PRPF6: variants seen among roughly 807,000 people sequenced by gnomAD.
PRPF6 encodes the protein pre-mRNA processing factor 6, also known as pre-mRNA-processing factor 6.
Under a neutral mutation model 118.3 loss-of-function variants are expected in PRPF6, and 42 were observed. The ratio of observed to expected loss-of-function variants is 0.35; its 90% confidence interval spans 0.28 to 0.46. The LOEUF is 0.46. PRPF6 is among the 20% of genes least tolerant of loss of function. PRPF6 has a pLI of 1.00. For synonymous variants in PRPF6, 481 were observed against 485.1 expected (o/e 0.99, Z 0.11); for missense variants, 662 against 1,255.7 (o/e 0.53, Z 7.15).
Position 64,029,272 on chromosome 20 carries a change from C to T in PRPF6, c.2432-105C>T, listed in dbSNP as rs935977643. On this transcript the variant is annotated intron_variant, in intron 18 of 20. Transcript: ENST00000266079. The surrounding 1 kb of genome is among the most constrained non-coding windows in gnomAD (Gnocchi z 4.8). ...TTCTGCGAGCCGTGTGTGGGAGGCCCCTGTCGTGGTCTGAGGACGTCCCGG... is the reference window on the plus strand; with the variant it reads ...TTCTGCGAGCCGTGTGTGGGAGGCCTCTGTCGTGGTCTGAGGACGTCCCGG... The T allele has an allele frequency of 1.0e-6, 1 of 959,836 alleles. No individual in the cohort carries two copies. Among genetic ancestry groups the T allele is most frequent in the Non-Finnish European group, 1.7e-6 (1 of 594,922 alleles). The allele number at this position is 959,836 out of a possible 1,614,324, so 59.5% of individuals were successfully genotyped here.
chr20:64,025,796 C>G, intron 14 of PRPF6, 143 bp from the exon 15 acceptor site: 1 of 1,473,370 alleles, frequency 6.8e-7, no homozygotes. Context: ...GTCATCTCCT[C>G]CCTGGGAAGG....
rs139064327 is a variant in PRPF6, at chr20:64,005,889, C to G, written c.1187-4311C>G. On this transcript the variant is annotated intron_variant, in intron 9 of 20. Transcript: ENST00000266079. ...AGCTGGGACTCCAGGGACATACCACCATGCCTGGCTGAGTTTTTAATTTTT... is the reference window on the plus strand; with the variant it reads ...AGCTGGGACTCCAGGGACATACCACGATGCCTGGCTGAGTTTTTAATTTTT... Among the ~76,000 whole-genome samples, 677 of 152,226 alleles carry G rather than the reference C, an allele frequency of 4.4e-3. 6 individuals carry two copies. The highest frequency in any genetic ancestry group is 0.016 in the African/African-American group (650 of 41,550).
rs532966990 is a variant in PRPF6, at chr20:64,026,749, G to A, written c.2029-233G>A. On this transcript the variant is annotated intron_variant, in intron 15 of 20. Transcript: ENST00000266079. The surrounding 1 kb of genome is among the most constrained non-coding windows in gnomAD (Gnocchi z 4.4). ...CAGCAGGTGGAGCTTGCAGTGAGCCGAGATCGTGCCACTGCACTCCAGCCT... is the reference window on the plus strand; with the variant it reads ...CAGCAGGTGGAGCTTGCAGTGAGCCAAGATCGTGCCACTGCACTCCAGCCT... 4.6e-5 allele frequency among the ~76,000 whole-genome samples: 7 copies of A among 152,220 alleles called. No homozygotes were observed. Among genetic ancestry groups the A allele is most frequent in the African/African-American group, 1.4e-4 (6 of 41,536 alleles).
At chr20:64,022,923 C>T in intron 13 of PRPF6, 45 bp downstream of exon 13, 7 of 1,613,348 alleles carry the variant, frequency 4.3e-6, no homozygotes, top group Non-Finnish European at 5.9e-6. Flanking sequence ...ATGAAACCTC[C>T]AGCTCCATTT....
chr20:63,983,652 CT>C (rs746804694), intron 2 of PRPF6, among the ~76,000 whole-genome samples: 1,285 of 111,086 alleles, frequency 0.012, 44 homozygotes, highest in African/African-American at 0.042. Context: ...ATTGGCCAGT[CT>C]TTTTTTTTTT....
In PRPF6 at chr20:64,027,533, A is replaced by G. The variant is rs112769108; in HGVS notation, c.2206-70A>G. 6.2e-7 allele frequency: 1 copy of G among 1,607,050 alleles called. No homozygotes were observed. The highest frequency in any genetic ancestry group is 8.5e-7 in the Non-Finnish European group (1 of 1,173,968). ...ACTCGGTCACCCACTGCAGATGAGA[A>G]GCTGGGCATGGCTGTGTCCCAGTTC... On this transcript the variant is annotated intron_variant, in intron 16 of 20. Transcript: ENST00000266079. The surrounding 1 kb of genome is among the most constrained non-coding windows in gnomAD (Gnocchi z 6.5).
intron 12 of PRPF6, among the ~76,000 whole-genome samples, chr20:64,020,030 T>TG (rs2059255752): frequency 6.6e-6 from 1 of 152,222 alleles, no homozygotes; most frequent in African/African-American, 2.4e-5. Context: ...TCTTTGCCAT[T>TG]GTCATGTTCA....
intron 9 of PRPF6, 66 bp from the exon 10 acceptor site, chr20:64,010,134 C>T: frequency 2.2e-6 from 3 of 1,369,058 alleles, no homozygotes; most frequent in African/African-American, 1.4e-5. Context: ...GCAGCATGCT[C>T]ACCACATGAG....
intron 13 of PRPF6, 66 bp from the exon 14 acceptor site, chr20:64,024,489 G>A: frequency 1.3e-6 from 2 of 1,600,002 alleles, no homozygotes; most frequent in Non-Finnish European, 1.7e-6. Flanking sequence ...CCACGCCATG[G>A]CTGAGTGTGA....
rs1053303826 is a variant in PRPF6, at chr20:64,027,572, C to T, written c.2206-31C>T. On this transcript the variant is annotated intron_variant, in intron 16 of 20. Coordinates refer to ENST00000266079, the MANE Select transcript of PRPF6 (RefSeq NM_012469.4). The surrounding 1 kb of genome is among the most constrained non-coding windows in gnomAD (Gnocchi z 6.5). ...GTGTCCCAGTTCTTCATAGACACCA[C>T]CTGAGCTGCTCTCTTACTTGTTGGT... 2.5e-6 allele frequency: 4 copies of T among 1,613,884 alleles called. No individual in the cohort carries two copies. The African/African-American group carries it at 4.0e-5, about 16-fold the overall frequency.
chr20:63,993,262 G>GTGTA (rs1491362005), intron 3 of PRPF6, 145 bp from the exon 4 acceptor site: 2 of 266,028 alleles, frequency 7.5e-6, no homozygotes, highest in East Asian at 6.9e-5. Context: ...GTGTGTGTGT[G>GTGTA]TATATGTATA....
At chr20:63,997,931 G>A (rs986718889) in intron 6 of PRPF6, among the ~76,000 whole-genome samples, 8 of 151,940 alleles carry the variant, frequency 5.3e-5, no homozygotes, top group South Asian at 2.1e-4. Context: ...TGTGTGGACC[G>A]CATTCGCTCA....
At chr20:64,024,136 A>T (rs1413090591) in intron 13 of PRPF6, among the ~76,000 whole-genome samples, 1 of 150,422 alleles carries the variant, frequency 6.6e-6, no homozygotes, top group Non-Finnish European at 1.5e-5. Context: ...TCTTCCTATA[A>T]GATAATTCTT....
rs761936429 is a variant in PRPF6, at chr20:63,993,511, G to A, written c.438+26G>A. ...GTGAGCCGATGAAGCGGTGAATGGT[G>A]TGCGGTTTCTAACGCTCTCACCCTA... On this transcript the variant is annotated intron_variant, in intron 4 of 20. Coordinates refer to ENST00000266079, the MANE Select transcript of PRPF6 (RefSeq NM_012469.4). 1.4e-5 allele frequency: 22 copies of A among 1,586,868 alleles called. No homozygotes were observed. The African/African-American group carries it at 1.9e-4, about 14-fold the overall frequency.
At chr20:64,005,983 C>T (rs574644072) in intron 9 of PRPF6, among the ~76,000 whole-genome samples, 10 of 152,298 alleles carry the variant, frequency 6.6e-5, no homozygotes, top group African/African-American at 2.4e-4. Context: ...GATCCTCCCA[C>T]CTCAGTCTCC....
chr20:63,991,642 T>G (rs1029529292), intron 3 of PRPF6, among the ~76,000 whole-genome samples: 4 of 151,944 alleles, frequency 2.6e-5, no homozygotes, highest in Non-Finnish European at 4.4e-5. Context: ...ATACAAAAAT[T>G]AGCTGGGTGT....
chr20:63,997,352 A>G (rs1254065533), intron 6 of PRPF6, among the ~76,000 whole-genome samples: 2 of 138,402 alleles, frequency 1.4e-5, no homozygotes, highest in Non-Finnish European at 3.0e-5. Flanking sequence ...GTTCAATGGC[A>G]TGGTCTTGGC....
Position 64,026,177 on chromosome 20 carries a change from C to A in PRPF6, c.2028+119C>A. 6.6e-7 allele frequency: 1 copy of A among 1,515,032 alleles called. No homozygotes were observed. Among genetic ancestry groups the A allele is most frequent in the Non-Finnish European group, 8.9e-7 (1 of 1,121,992 alleles). The allele number at this position is 1,515,032 out of a possible 1,614,324, so 93.8% of individuals were successfully genotyped here. A position where few individuals can be genotyped will look rare whatever the true frequency, so the allele number is the denominator to read the frequency against. ...ACGGCAGGCAAACGAGACCACAGCA[C>A]ACTCATCTTTGTGATGTGACTAAAA... On this transcript the variant is annotated intron_variant, in intron 15 of 20. Transcript: ENST00000266079. The surrounding 1 kb of genome is among the most constrained non-coding windows in gnomAD (Gnocchi z 4.4).
At chr20:63,997,783 C>G (rs572020474) in intron 6 of PRPF6, among the ~76,000 whole-genome samples, 1 of 152,180 alleles carries the variant, frequency 6.6e-6, no homozygotes, top group East Asian at 1.9e-4. Context: ...CCATGTTGGC[C>G]AGGCTGGTCT....
Sources: gnomAD v4.1 joint callset for allele counts (sites outside exome capture counted in the v4.1 genomes callset) on GRCh38, gnomAD v4.1.1 for gene constraint, Gnocchi (gnomAD v3.1) non-coding constraint, MANE v1.5 for transcripts, NCBI Gene and HGNC (gene_info 2026-07-23, HGNC 2026-07-21) for gene names.